KCTD15: variants seen among roughly 807,000 people sequenced by gnomAD.
The protein encoded by KCTD15 is BTB/POZ domain-containing protein KCTD15.
A neutral mutation model predicts 27.2 loss-of-function variants in KCTD15; 11 were observed. The ratio of observed to expected loss-of-function variants is 0.41; its 90% CI spans 0.25 to 0.67. The LOEUF (loss-of-function observed/expected upper bound fraction) is 0.67. Among genes scored for constraint, KCTD15 ranks in the 30% least tolerant of loss-of-function variants. The pLI is 0.35. For synonymous variants in KCTD15, 163 were observed against 176.0 expected, an observed-to-expected ratio of 0.93 and a Z score of 0.58; for missense variants, 350 against 409.3, an observed-to-expected ratio of 0.86 and a Z score of 1.25.
At chr19:33,801,579 G>A in intron 4 of KCTD15, 1 of 418,666 alleles carries the variant, frequency 2.4e-6, no homozygotes. Flanking sequence ...GCAAGGTGGA[G>A]CTCCTGACCC....
chr19:33,801,474 C>T, intron 4 of KCTD15, 132 bp downstream of exon 4: 1 of 747,838 alleles, frequency 1.3e-6, no homozygotes, highest in Non-Finnish European at 2.1e-6. Flanking sequence ...CAAGCTGACA[C>T]AGCCTGAGGG....
At position 33,811,370 on chromosome 19, in the gene KCTD15, G is replaced by T; in HGVS notation, c.511G>T (p.Val171Leu). ...CAGCCGGGCCTGTGACTGCCTGGTGGTGCGCGTCACGCCCGACTTGGGCGA... is the reference window on the plus strand; with the variant it reads ...CAGCCGGGCCTGTGACTGCCTGGTGTTGCGCGTCACGCCCGACTTGGGCGA... ...RRSRACDCLV[V>L]RVTPDLGERI... The change falls in exon 6 of 7, where the codon GTG (valine) becomes TTG (leucine). Residue 171 changes from valine (V) to leucine (L), a missense_variant. Physicochemically the swap from Val to Leu is conservative, Grantham distance 32 (BLOSUM62 1). Coordinates refer to ENST00000683859, the MANE Select transcript of KCTD15 (RefSeq NM_001129994.2). The T allele has an allele frequency of 6.3e-7, 1 of 1,583,696 alleles. No individual in the cohort carries two copies. The highest frequency in any genetic ancestry group is 1.1e-5 in the South Asian group (1 of 87,334).
At chr19:33,812,142 C>T in intron 6 of KCTD15, 1 of 1,232,702 alleles carries the variant, frequency 8.1e-7, no homozygotes, top group Non-Finnish European at 1.0e-6. Context: ...CCTGTGCACG[C>T]ATTCCACAGC....
chr19:33,811,587 C>G, intron 6 of KCTD15, 35 bp downstream of exon 6: 2 of 1,574,424 alleles, frequency 1.3e-6, no homozygotes, highest in Non-Finnish European at 1.7e-6. Context: ...CCCGCCGCAC[C>G]CCCGGCGTCC....
At chr19:33,811,866 T>G in intron 6 of KCTD15, 1 of 1,601,724 alleles carries the variant, frequency 6.2e-7, no homozygotes, top group Admixed American at 1.8e-5. Flanking sequence ...GACTTTGGAT[T>G]CGAACTAAAC....
intron 6 of KCTD15, 104 bp from the exon 7 acceptor site, chr19:33,812,686 G>C: frequency 7.2e-7 from 1 of 1,394,468 alleles, no homozygotes; most frequent in East Asian, 2.9e-5. Flanking sequence ...CACAGGAGAA[G>C]GTGCCCTTGC....
In KCTD15 at chr19:33,802,739, G is replaced by A. The variant is rs1174968088; in HGVS notation, c.242+1397G>A. On this transcript the variant is annotated intron_variant, in intron 4 of 6. Coordinates refer to ENST00000683859, the MANE Select transcript of KCTD15 (RefSeq NM_001129994.2). ...ATTTAATTTCCATTTTGCCTTCTGCGGCATTTCTGAGTTGTTTGAGATAGA... is the reference window on the plus strand; with the variant it reads ...ATTTAATTTCCATTTTGCCTTCTGCAGCATTTCTGAGTTGTTTGAGATAGA... 5.3e-5 allele frequency among the ~76,000 whole-genome samples: 8 copies of A among 152,242 alleles called. No homozygotes were observed. In the South Asian group the frequency reaches 8.3e-4, roughly 16 times the overall value.
At chr19:33,796,503 CCG>C (rs1378845653), upstream of KCTD15, 1 of 150,562 alleles carries the variant, frequency 6.6e-6, no homozygotes. Context: ...CCAGGAGTCG[CCG>C]CGCGCGCCCG....
chr19:33,802,482 C>T (rs970926714), intron 4 of KCTD15, among the ~76,000 whole-genome samples: 5 of 152,114 alleles, frequency 3.3e-5, no homozygotes, highest in African/African-American at 1.2e-4. Context: ...AGGCATGGTC[C>T]CTTGAGGAGG....
intron 4 of KCTD15, among the ~76,000 whole-genome samples, chr19:33,805,348 G>A (rs1253913928): frequency 2.0e-5 from 3 of 152,224 alleles, no homozygotes; most frequent in African/African-American, 4.8e-5. Flanking sequence ...ATAGGATGGT[G>A]TGGACGGGAG....
rs1338672632 is a variant in KCTD15, at chr19:33,815,445, A to G, written c.*2497A>G. 6.6e-6 allele frequency: 1 copy of G among 152,222 alleles called. No individual in the cohort carries two copies. The highest frequency in any genetic ancestry group is 2.4e-5 in the African/African-American group (1 of 41,448). 9.4% of individuals were successfully genotyped at this position (152,222 alleles called of 1,614,324 possible). On this transcript the variant is annotated 3_prime_UTR_variant, in exon 7 of 7. Coordinates refer to ENST00000683859, the MANE Select transcript of KCTD15 (RefSeq NM_001129994.2). The stretch of plus-strand genomic sequence containing the variant: ...CACTTCCTGGAATGAGTATATTATC[A>G]GCAATCTTTTGTCAAATGCCAGCCG...
intron 1 of KCTD15, among the ~76,000 whole-genome samples, chr19:33,797,247 G>GGT (rs751185346): frequency 0.029 from 3,446 of 120,602 alleles, 29 homozygotes; most frequent in African/African-American, 0.035. Flanking sequence ...CCTGCCGCGC[G>GGT]GTGTGTGTGT....
rs1023659496 is a variant in KCTD15 at position 33,797,290 on chromosome 19, G to C, written c.-127+303G>C. 1.0e-5 allele frequency: 3 copies of C among 286,734 alleles called. 1 individual carries two copies. The highest frequency in any genetic ancestry group is 6.2e-5 in the South Asian group (3 of 48,370). The allele number at this position is 286,734 out of a possible 1,614,324, so 17.8% of individuals were successfully genotyped here. On this transcript the variant is annotated intron_variant, in intron 1 of 6. Coordinates refer to ENST00000683859, the MANE Select transcript of KCTD15 (RefSeq NM_001129994.2). Reference sequence around the variant, plus strand: ...TGTGTGTGTGTGTGTGTGTGCGCGCGCGCGCGCGCGCGCTTGTGGAGGTCC... The same window carrying C: ...TGTGTGTGTGTGTGTGTGTGCGCGCCCGCGCGCGCGCGCTTGTGGAGGTCC...
At chr19:33,797,438 A>G (rs1975374059) in intron 1 of KCTD15, 2 of 453,514 alleles carry the variant, frequency 4.4e-6, no homozygotes, top group Admixed American at 4.7e-5. Context: ...GCCCAAAATC[A>G]GAGAAAGTCT....
intron 2 of KCTD15, 129 bp from the exon 3 acceptor site, chr19:33,800,299 A>T (rs925875000): frequency 1.4e-6 from 1 of 705,888 alleles, no homozygotes; most frequent in African/African-American, 1.8e-5. Context: ...GGAGTCAATC[A>T]GGGAGGGCTG....
In KCTD15 at chr19:33,812,726, G is replaced by A. The variant is rs1024377843; in HGVS notation, c.694-64G>A. On this transcript the variant is annotated intron_variant, in intron 6 of 6. Transcript: ENST00000683859. ...TGCCCCAGCAGGCACCCACCTCCCTGCCAGGCCAAGCCAGGTGTCCTCTTG... is the reference window on the plus strand; with the variant it reads ...TGCCCCAGCAGGCACCCACCTCCCTACCAGGCCAAGCCAGGTGTCCTCTTG... The A allele has an allele frequency of 2.9e-6, 4 of 1,396,520 alleles. No individual in the cohort carries two copies. The African/African-American group carries it at 6.0e-5, about 21-fold the overall frequency. The allele number at this position is 1,396,520 out of a possible 1,614,324, so 86.5% of individuals were successfully genotyped here. A position where few individuals can be genotyped will look rare whatever the true frequency, so the allele number is the denominator to read the frequency against.
At position 33,800,885 on chromosome 19, in the gene KCTD15, G is replaced by A. The variant is rs192302302; in HGVS notation, c.67-282G>A. Among the ~76,000 whole-genome samples, 151 of 152,234 alleles carry A rather than the reference G, an allele frequency of 9.9e-4. 1 individual carries two copies. The East Asian group carries it at 0.014, about 14-fold the overall frequency. ...ATTAGAATTTTGCAGTTTGTTTTAT[G>A]CCCCTGGAGGCTGACACCTTGAAAA... On this transcript the variant is annotated intron_variant, in intron 3 of 6. Transcript: ENST00000683859.
intron 1 of KCTD15, among the ~76,000 whole-genome samples, chr19:33,797,230 G>T (rs1975347490): frequency 6.6e-6 from 1 of 151,368 alleles, no homozygotes; most frequent in Admixed American, 6.6e-5. Flanking sequence ...GGGCGGTCTC[G>T]GAGCTTCCTG....
chr19:33,811,178 CCCCTCTCCCCCTT>C, intron 5 of KCTD15, 56 bp from the exon 6 acceptor site: 3 of 590,250 alleles, frequency 5.1e-6, no homozygotes, highest in Non-Finnish European at 2.7e-6. Context: ...CAGGCCGCCT[CCCCTCTCCCCCTT>C]CCCCCACCAC....
Sources: gnomAD v4.1 joint callset for allele counts (sites outside exome capture counted in the v4.1 genomes callset) on GRCh38, gnomAD v4.1.1 for gene constraint, MANE v1.5 for transcripts, NCBI Gene and HGNC (gene_info 2026-07-23, HGNC 2026-07-21) for gene names.